The following C16orf96 variants were observed in gnomAD, a reference collection of about 807,000 sequenced individuals.
C16orf96 encodes the protein uncharacterized protein C16orf96.
C16orf96 carries 108 observed loss-of-function variants against 103.6 expected under a neutral mutation model. The observed-to-expected ratio is 1.04, with a 90% CI of 0.89 to 1.22. The LOEUF (loss-of-function observed/expected upper bound fraction) is 1.22. C16orf96 is among the 50% of genes most tolerant of loss of function. The probability of loss-of-function intolerance (pLI) is 0.00; values close to 1 mark genes in which losing one functional copy is unlikely to be tolerated. For missense variants in C16orf96, 1,586 were observed against 1,464.2 expected, an observed-to-expected ratio of 1.08 and a Z score of -1.36; for synonymous variants, 566 against 593.5, an observed-to-expected ratio of 0.95 and a Z score of 0.67.
rs1248425879 is a variant in C16orf96 at position 4,600,182 on chromosome 16, T to TCTG, written c.3302_3304dup (p.Leu1101dup). On this transcript the variant is annotated inframe_insertion, in exon 16 of 16. Coordinates refer to ENST00000444310, the MANE Select transcript of C16orf96 (RefSeq NM_001145011.2). ...CAGCTCGACCACCTTCCCTGCCACC[T>TCTG]CTGCTGCTGCTGCCACCGCTGATTC... 6.4e-6 allele frequency: 10 copies of TCTG among 1,551,238 alleles called. No homozygotes were observed. The East Asian group carries it at 2.4e-4, about 38-fold the overall frequency.
At chr16:4,581,290 G>A (rs925855847) in intron 7 of C16orf96, among the ~76,000 whole-genome samples, 23 of 149,294 alleles carry the variant, frequency 1.5e-4, no homozygotes, top group Middle Eastern at 3.4e-3. Context: ...AGCTGAGATT[G>A]CGCCATTGCA....
In C16orf96 at chr16:4,575,865, A is replaced by T. The variant is rs1426781647; in HGVS notation, c.1385A>T (p.Asp462Val). 7.1e-6 allele frequency: 11 copies of T among 1,551,404 alleles called. No homozygotes were observed. Among genetic ancestry groups the T allele is most frequent in the Non-Finnish European group, 8.7e-6 (10 of 1,146,986 alleles). Residue 462 changes from aspartate to valine, a missense_variant, in exon 5 of 16, where the codon GAT becomes GTT. Coordinates refer to ENST00000444310, the MANE Select transcript of C16orf96 (RefSeq NM_001145011.2). ...AAVQVKGEENDVPSLRGLRER... is the reference protein window; with the variant it reads ...AAVQVKGEENVVPSLRGLRER... ...GTCCAAGTAAAGGGGGAGGAAAATG[A>T]TGTCCCCAGCCTAAGGGGCCTTCGG...
Position 4,580,109 on chromosome 16 carries a change from G to C in C16orf96, c.2336G>C (p.Arg779Pro), listed in dbSNP as rs953764380. ...LDKAVENLQIRMDEFKTLQAQ... is the reference protein window; with the variant it reads ...LDKAVENLQIPMDEFKTLQAQ... ...AAGGCGGTGGAGAACCTGCAGATTC[G>C]CATGGATGAGTTCAAGGTTAGGAGG... Residue 779 changes from arginine to proline, a missense_variant, in exon 7 of 16, where the codon CGC becomes CCC. Physicochemically the swap from Arg to Pro is moderately radical, Grantham distance 103 (BLOSUM62 -2). Coordinates refer to ENST00000444310, the MANE Select transcript of C16orf96 (RefSeq NM_001145011.2). 1.8e-5 allele frequency: 28 copies of C among 1,534,974 alleles called. No homozygotes were observed. Among genetic ancestry groups the C allele is most frequent in the Non-Finnish European group, 2.5e-5 (28 of 1,138,994 alleles).
chr16:4,555,617 C>T (rs1209365046), upstream of C16orf96, among the ~76,000 whole-genome samples: 6 of 152,028 alleles, frequency 3.9e-5, no homozygotes, highest in Non-Finnish European at 5.9e-5. Context: ...GTGGTCCACC[C>T]GCCTTGGCCT....
chr16:4,583,491 G>A (rs551985728), intron 7 of C16orf96, among the ~76,000 whole-genome samples: 1 of 152,140 alleles, frequency 6.6e-6, no homozygotes, highest in East Asian at 1.9e-4. Context: ...GGGTGACAGA[G>A]TGAGACTCTG....
upstream of C16orf96, among the ~76,000 whole-genome samples, chr16:4,554,641 A>T (rs562916899): frequency 6.7e-6 from 1 of 148,184 alleles, no homozygotes; most frequent in East Asian, 2.1e-4. Flanking sequence ...GGCGTGAGCC[A>T]CCGCACCCAG....
intron 10 of C16orf96, 96 bp downstream of exon 10, chr16:4,591,880 T>G (rs2141757463): frequency 1.0e-6 from 1 of 979,086 alleles, no homozygotes. Flanking sequence ...TTCCAGACCT[T>G]TGGATGAGGG....
intron 7 of C16orf96, among the ~76,000 whole-genome samples, chr16:4,586,185 G>A (rs2028300): frequency 0.075 from 11,360 of 152,234 alleles, 809 homozygotes; most frequent in African/African-American, 0.18. Flanking sequence ...TCTTGAACCC[G>A]GGAGGCGGAG....
chr16:4,593,299 G>T lies in C16orf96; in HGVS notation c.2850G>T (p.Leu950Phe). The T allele has an allele frequency of 6.4e-7, 1 of 1,550,814 alleles. No individual in the cohort carries two copies. The highest frequency in any genetic ancestry group is 8.7e-7 in the Non-Finnish European group (1 of 1,146,856). Residue 950 changes from leucine (L) to phenylalanine (F), a missense_variant, in exon 12 of 16, where the codon TTG becomes TTT. Transcript: ENST00000444310. The surrounding 1 kb of genome is among the most constrained non-coding windows in gnomAD (Gnocchi z 4.2). ...CCAGCGCCAACAGCTGCGAGTACTT[G>T]CAGCGGCAACAGATGAGGTGAGCAG... ...RPASANSCEY[L>F]QRQQMREQQW...
At chr16:4,580,310 AC>A (rs150403662) in intron 7 of C16orf96, among the ~76,000 whole-genome samples, 185 bp downstream of exon 7, 30 of 104,582 alleles carry the variant, frequency 2.9e-4, no homozygotes, top group African/African-American at 8.0e-4. Flanking sequence ...GAATCCCACC[AC>A]CCCCCCCCAC....
the C16orf96 span, among the ~76,000 whole-genome samples, chr16:4,545,050 A>G: frequency 6.6e-6 from 1 of 152,326 alleles, no homozygotes; most frequent in East Asian, 1.9e-4. Flanking sequence ...GGATGTTTAT[A>G]TTCATAATAG....
At chr16:4,544,909 G>A in the C16orf96 span, among the ~76,000 whole-genome samples, 1 of 152,112 alleles carries the variant, frequency 6.6e-6, no homozygotes, top group Non-Finnish European at 1.5e-5. Context: ...GGTATTCCTC[G>A]AAAGATTGAA....
At chr16:4,563,716 G>GCC (rs2059357002) in intron 1 of C16orf96, among the ~76,000 whole-genome samples, 1 of 151,712 alleles carries the variant, frequency 6.6e-6, no homozygotes, top group Non-Finnish European at 1.5e-5. Context: ...TTACAAGCGT[G>GCC]CACCACCATG....
chr16:4,543,591 C>T, the C16orf96 span, among the ~76,000 whole-genome samples: 1 of 152,066 alleles, frequency 6.6e-6, no homozygotes, highest in Admixed American at 6.6e-5. Flanking sequence ...ACCCAAAGTG[C>T]TGCGATTACA....
chr16:4,573,342 G>C (rs1384272540), intron 2 of C16orf96, among the ~76,000 whole-genome samples: 1 of 151,150 alleles, frequency 6.6e-6, no homozygotes, highest in Non-Finnish European at 1.5e-5. Context: ...AGGAGGCTGA[G>C]GCACGAGAAT....
intron 1 of C16orf96, among the ~76,000 whole-genome samples, chr16:4,557,505 G>A (rs1241198959): frequency 2.0e-5 from 3 of 152,174 alleles, no homozygotes; most frequent in Admixed American, 2.0e-4. Context: ...GGGGCTTGGA[G>A]GAGGAGAGAA....
intron 1 of C16orf96, among the ~76,000 whole-genome samples, chr16:4,564,801 A>G (rs2059370366): frequency 6.6e-6 from 1 of 152,172 alleles, no homozygotes; most frequent in Non-Finnish European, 1.5e-5. Context: ...ACAGAGCAAA[A>G]CTCCATCTCA....
At chr16:4,599,401 T>C (rs1897239581) in intron 15 of C16orf96, 37 bp downstream of exon 15, 1 of 1,522,398 alleles carries the variant, frequency 6.6e-7, no homozygotes, top group Admixed American at 2.0e-5. Context: ...CCAGCTGTGA[T>C]TCTGGAAGGG....
At chr16:4,567,076 G>A (rs2059390629) in intron 1 of C16orf96, among the ~76,000 whole-genome samples, 1 of 151,788 alleles carries the variant, frequency 6.6e-6, no homozygotes, top group South Asian at 2.1e-4. Flanking sequence ...TTGTTCCAGT[G>A]TCTTAAGGTG....
Sources: allele counts gnomAD v4.1 joint callset (sites outside exome capture counted in the v4.1 genomes callset), GRCh38; gene constraint gnomAD v4.1.1; non-coding constraint Gnocchi (gnomAD v3.1); transcripts MANE v1.5; gene names NCBI Gene and HGNC (gene_info 2026-07-23, HGNC 2026-07-21).